Variants in SVOP observed in about 807,000 individuals in gnomAD.
The protein encoded by SVOP is SV2 related protein, also known as synaptic vesicle 2-related protein.
In SVOP, 17 loss-of-function variants were observed where a neutral mutation model predicts 69.1. The observed-to-expected ratio is 0.25, with a 90% CI of 0.17 to 0.37. The LOEUF (loss-of-function observed/expected upper bound fraction) is 0.37. Ranked by LOEUF, SVOP falls within the 10% of genes least tolerant of loss-of-function variation. The pLI is 1.00. For missense variants in SVOP, 435 were observed against 597.5 expected, an observed-to-expected ratio of 0.73 and a Z score of 2.84; for synonymous variants, 238 against 238.6, an observed-to-expected ratio of 1.00 and a Z score of 0.02.
intron 11 of SVOP, among the ~76,000 whole-genome samples, chr12:108,931,209 C>T (rs1447725619): frequency 1.3e-5 from 2 of 152,158 alleles, no homozygotes; most frequent in African/African-American, 4.8e-5. Context: ...TCACTCAATC[C>T]TTATACCAAT....
chr12:109,017,174 T>C (rs2040371940), intron 1 of SVOP, among the ~76,000 whole-genome samples: 1 of 151,872 alleles, frequency 6.6e-6, no homozygotes, highest in South Asian at 2.1e-4. Flanking sequence ...CTTGGGTGAG[T>C]GAGCATTACC....
chr12:108,919,540 C>T (rs1295334037), intron 13 of SVOP, 135 bp downstream of exon 13: 2 of 651,790 alleles, frequency 3.1e-6, no homozygotes, highest in African/African-American at 1.8e-5. Flanking sequence ...CACACCTACA[C>T]CCACACTTGG....
intron 1 of SVOP, among the ~76,000 whole-genome samples, chr12:108,987,246 G>A (rs1167898323): frequency 6.6e-6 from 1 of 152,096 alleles, no homozygotes; most frequent in African/African-American, 2.4e-5. Flanking sequence ...TGTCTTCAAG[G>A]CTCATCCAAT....
chr12:108,988,606 C>T (rs1264526088), intron 1 of SVOP, among the ~76,000 whole-genome samples: 1 of 152,136 alleles, frequency 6.6e-6, no homozygotes, highest in Non-Finnish European at 1.5e-5. Flanking sequence ...CCTTAAGCCA[C>T]ACCCAAGTAA....
chr12:109,016,450 T>C (rs927273128), intron 1 of SVOP, among the ~76,000 whole-genome samples: 1 of 152,196 alleles, frequency 6.6e-6, no homozygotes, highest in African/African-American at 2.4e-5. Context: ...CAACTCCTTG[T>C]CATATACTAC....
intron 11 of SVOP, among the ~76,000 whole-genome samples, chr12:108,923,468 A>G (rs917551330): frequency 6.6e-6 from 1 of 151,968 alleles, no homozygotes; most frequent in African/African-American, 2.4e-5. Flanking sequence ...CCAACAACCA[A>G]CATAGGTGGG....
At chr12:108,975,415 C>T (rs1247223364) in intron 4 of SVOP, among the ~76,000 whole-genome samples, 3 of 152,156 alleles carry the variant, frequency 2.0e-5, no homozygotes, top group Non-Finnish European at 4.4e-5. Flanking sequence ...GAAAGTAGCC[C>T]GAGGCAGGGG....
intron 15 of SVOP, among the ~76,000 whole-genome samples, chr12:108,914,006 C>T (rs1046919850): frequency 2.0e-5 from 3 of 152,222 alleles, no homozygotes; most frequent in Non-Finnish European, 4.4e-5. Flanking sequence ...ATGGGAAGAA[C>T]CTGGCAGCAC....
Position 109,014,713 on chromosome 12 carries a change from G to T in SVOP, c.35+6121C>A, listed in dbSNP as rs115141573. On this transcript the variant is annotated intron_variant, in intron 1 of 15. Transcript: ENST00000610966. Reference sequence around the variant, plus strand: ...TCCTCACCAACATTTGTTATTTTCTGATTTTTTTGGTCTTTCTTTCTTTTT... The same window carrying T: ...TCCTCACCAACATTTGTTATTTTCTTATTTTTTTGGTCTTTCTTTCTTTTT... Among the ~76,000 whole-genome samples, 585 of 152,142 alleles carry T rather than the reference G, an allele frequency of 3.8e-3. 3 individuals are homozygous for T. The highest frequency in any genetic ancestry group is 0.013 in the African/African-American group (556 of 41,502).
chr12:108,931,585 G>A (rs2039819002), intron 11 of SVOP, among the ~76,000 whole-genome samples: 2 of 152,168 alleles, frequency 1.3e-5, no homozygotes, highest in Admixed American at 6.5e-5. Flanking sequence ...TGTAATCCCA[G>A]CACCTCGGGA....
At chr12:108,951,913 C>T (rs1047743812) in intron 6 of SVOP, among the ~76,000 whole-genome samples, 4 of 152,186 alleles carry the variant, frequency 2.6e-5, no homozygotes, top group Non-Finnish European at 5.9e-5. Context: ...ATCTGTGTGG[C>T]CTTGTGACTT....
chr12:108,956,847 A>G (rs923178877), intron 6 of SVOP, among the ~76,000 whole-genome samples: 26 of 152,184 alleles, frequency 1.7e-4, no homozygotes, highest in Admixed American at 1.2e-3. Flanking sequence ...CTGGCCTAAG[A>G]GAGCAATGGA....
intron 1 of SVOP, among the ~76,000 whole-genome samples, chr12:109,001,054 T>C (rs1168043712): frequency 2.6e-5 from 4 of 151,584 alleles, no homozygotes; most frequent in Non-Finnish European, 5.9e-5. Context: ...ATTGCATATC[T>C]AGAAAACCCC....
chr12:109,017,540 A>ATT (rs1217291478), intron 1 of SVOP, among the ~76,000 whole-genome samples: 2 of 152,080 alleles, frequency 1.3e-5, no homozygotes, highest in African/African-American at 2.4e-5. Flanking sequence ...AAAATTTTAC[A>ATT]TTATATATAT....
At chr12:108,927,689 C>T (rs1200307032) in intron 11 of SVOP, among the ~76,000 whole-genome samples, 1 of 151,678 alleles carries the variant, frequency 6.6e-6, no homozygotes, top group Admixed American at 6.6e-5. Context: ...ACCCTCCACA[C>T]CTGCAGGCTC....
chr12:109,018,042 A>G (rs2040377677), intron 1 of SVOP, among the ~76,000 whole-genome samples: 1 of 152,084 alleles, frequency 6.6e-6, no homozygotes, highest in Non-Finnish European at 1.5e-5. Context: ...ATTCTACCTT[A>G]CTCAGCTGTA....
intron 9 of SVOP, 37 bp downstream of exon 9, chr12:108,938,790 T>A: frequency 6.2e-7 from 1 of 1,613,688 alleles, no homozygotes; most frequent in Non-Finnish European, 8.5e-7. Context: ...TGCACCCCGA[T>A]ACGCACATTG....
At chr12:108,923,154 A>G (rs1298486620) in intron 11 of SVOP, among the ~76,000 whole-genome samples, 1 of 152,204 alleles carries the variant, frequency 6.6e-6, no homozygotes, top group African/African-American at 2.4e-5. Context: ...CCTGGTAGTC[A>G]TATTCTTGTG....
At chr12:108,968,013 T>C (rs2040055183) in intron 5 of SVOP, among the ~76,000 whole-genome samples, 1 of 152,216 alleles carries the variant, frequency 6.6e-6, no homozygotes, top group African/African-American at 2.4e-5. Flanking sequence ...AAATATACTC[T>C]TCCAAGGGAA....
Sources: allele counts gnomAD v4.1 joint callset (sites outside exome capture counted in the v4.1 genomes callset), GRCh38; gene constraint gnomAD v4.1.1; transcripts MANE v1.5; gene names NCBI Gene and HGNC (gene_info 2026-07-23, HGNC 2026-07-21).